Variants in RFC3 observed in about 807,000 individuals in gnomAD.
RFC3 encodes A1 38 kDa subunit.
A neutral mutation model predicts 45.1 loss-of-function variants in RFC3; 41 were observed. The observed-to-expected ratio is 0.91, with a 90% CI of 0.71 to 1.18. RFC3 has a LOEUF of 1.18. Ranked by LOEUF, RFC3 falls within the 50% of genes most tolerant of loss-of-function variation. The pLI, the probability that RFC3 is intolerant of heterozygous loss-of-function variation, is 0.00. For synonymous variants in RFC3, 149 were observed against 144.0 expected (o/e 1.03, Z -0.25); for missense variants, 423 against 428.1 (o/e 0.99, Z 0.10).
rs1351151426 is a variant in RFC3, at chr13:33,939,358, G to GGA, written c.880-26726_880-26725dup. Reference sequence around the variant, plus strand: ...TGGGAAGAGTGGAGGGGAGGGAGCTGGAGATTGGGCTCAGTAAAAACTCTT... The same window carrying GGA: ...TGGGAAGAGTGGAGGGGAGGGAGCTGGAGAGATTGGGCTCAGTAAAAACTCTT... On this transcript the variant is annotated intron_variant, in intron 8 of 8. Coordinates refer to the RFC3 transcript ENST00000434425. Among the ~76,000 whole-genome samples the GGA allele has an allele frequency of 2.0e-5, 3 of 152,048 alleles. No homozygotes were observed. The East Asian group carries it at 5.8e-4, about 29-fold the overall frequency.
At chr13:33,976,882 A>G in the RFC3 span, among the ~76,000 whole-genome samples, 1 of 152,106 alleles carries the variant, frequency 6.6e-6, no homozygotes, top group African/African-American at 2.4e-5. Flanking sequence ...AAAGGGAGAA[A>G]AAACTTGTAA....
intron 8 of RFC3, among the ~76,000 whole-genome samples, chr13:33,946,129 T>C (rs2082952935): frequency 6.6e-6 from 1 of 152,256 alleles, no homozygotes; most frequent in Admixed American, 6.5e-5. Flanking sequence ...AATCCCTGTC[T>C]GTAGAGTACA....
In RFC3 at chr13:33,932,287, T is replaced by C. The variant is rs539582325; in HGVS notation, c.880-33800T>C. Among the ~76,000 whole-genome samples the C allele has an allele frequency of 2.6e-5, 4 of 152,290 alleles. No individual in the cohort carries two copies. In the East Asian group the frequency reaches 7.7e-4, roughly 29 times the overall value. ...ATGCCATTAAAAAAGTTAGTAATTT[T>C]TGTCTATTTATTCTTCTTAATATAC... is the stretch of plus-strand genomic sequence containing the variant. On this transcript the variant is annotated intron_variant, in intron 8 of 8. Coordinates refer to the RFC3 transcript ENST00000434425.
chr13:33,854,973 A>C (rs2082299635), intron 8 of RFC3, among the ~76,000 whole-genome samples: 1 of 137,186 alleles, frequency 7.3e-6, no homozygotes, highest in East Asian at 2.1e-4. Context: ...TAATGCTCTA[A>C]TCATGACGGA....
At chr13:33,862,260 T>TG (rs2082345605) in intron 8 of RFC3, among the ~76,000 whole-genome samples, 1 of 151,716 alleles carries the variant, frequency 6.6e-6, no homozygotes, top group African/African-American at 2.4e-5. Flanking sequence ...GCAAAGTTTT[T>TG]TTTTTTTTTT....
Position 33,835,991 on chromosome 13 carries a change from T to C in RFC3, c.880-113T>C, listed in dbSNP as rs557666108. 65 of 1,093,270 alleles carry C rather than the reference T, an allele frequency of 5.9e-5. No homozygotes were observed. The East Asian group carries it at 1.7e-3, about 29-fold the overall frequency. 67.7% of individuals were successfully genotyped at this position (1,093,270 alleles called of 1,614,324 possible). On this transcript the variant is annotated intron_variant, in intron 8 of 8. Transcript: ENST00000380071. Reference sequence around the variant, plus strand: ...TGATTCACATAAAAAATTAAAGATCTCACACATATAAAGAGAGTATGTTTA... The same window carrying C: ...TGATTCACATAAAAAATTAAAGATCCCACACATATAAAGAGAGTATGTTTA...
chr13:33,893,232 C>A (rs1483936073), intron 8 of RFC3, among the ~76,000 whole-genome samples: 1 of 152,076 alleles, frequency 6.6e-6, no homozygotes, highest in Non-Finnish European at 1.5e-5. Flanking sequence ...GCCAGCCTTC[C>A]CACACTGCCA....
rs1178612713 is a variant in RFC3 at position 33,947,823 on chromosome 13, GC to G, written c.880-18261del. On this transcript the variant is annotated intron_variant, in intron 8 of 8. Coordinates refer to the RFC3 transcript ENST00000434425. ...TAGCAAAGACACTGGTGGCATTTTG[GC>G]CCTGTCCTAGAGATCTGTGGAACTT... Among the ~76,000 whole-genome samples, 16 of 152,288 alleles carry G rather than the reference GC, an allele frequency of 1.1e-4. No homozygotes were observed. In the East Asian group the frequency reaches 3.1e-3, roughly 29 times the overall value.
chr13:33,911,054 A>G (rs139325303), intron 8 of RFC3, among the ~76,000 whole-genome samples: 1 of 152,124 alleles, frequency 6.6e-6, no homozygotes, highest in African/African-American at 2.4e-5. Context: ...GTGGGGACAC[A>G]GAAGCAAACC....
chr13:33,940,261 C>G (rs934026947), intron 8 of RFC3, among the ~76,000 whole-genome samples: 9 of 152,020 alleles, frequency 5.9e-5, no homozygotes, highest in African/African-American at 1.2e-4. Context: ...CTGCCCTCCA[C>G]AAATTTTATT....
chr13:33,918,025 C>G (rs959872957), intron 8 of RFC3, among the ~76,000 whole-genome samples: 3 of 152,096 alleles, frequency 2.0e-5, no homozygotes, highest in Non-Finnish European at 4.4e-5. Context: ...GCTAGAATTT[C>G]CTACAGCTCT....
chr13:33,917,142 C>T (rs181712586), intron 8 of RFC3, among the ~76,000 whole-genome samples: 1 of 152,068 alleles, frequency 6.6e-6, no homozygotes, highest in South Asian at 2.1e-4. Flanking sequence ...TCCACATTTC[C>T]CCAGTAAAGG....
intron 8 of RFC3, among the ~76,000 whole-genome samples, chr13:33,962,703 C>A (rs1159204250): frequency 6.6e-6 from 1 of 152,042 alleles, no homozygotes; most frequent in Non-Finnish European, 1.5e-5. Flanking sequence ...TGATTGCCAT[C>A]ATGAAAATCA....
intron 4 of RFC3, among the ~76,000 whole-genome samples, chr13:33,828,526 C>T (rs1476700310): frequency 1.3e-5 from 2 of 152,202 alleles, no homozygotes; most frequent in Non-Finnish European, 2.9e-5. Flanking sequence ...CGAATCTCCC[C>T]CCTCGGTAAG....
intron 8 of RFC3, among the ~76,000 whole-genome samples, chr13:33,942,409 A>C (rs1212918298): frequency 6.6e-6 from 1 of 152,168 alleles, no homozygotes; most frequent in Non-Finnish European, 1.5e-5. Flanking sequence ...ATGTATAATA[A>C]TCAAATCAGG....
intron 8 of RFC3, among the ~76,000 whole-genome samples, chr13:33,859,119 G>T (rs2082324758): frequency 1.3e-5 from 2 of 152,044 alleles, no homozygotes; most frequent in South Asian, 4.2e-4. Flanking sequence ...GATTTTATTT[G>T]ACACTCAAAA....
intron 8 of RFC3, among the ~76,000 whole-genome samples, chr13:33,933,257 AG>A (rs1438204587): frequency 6.6e-6 from 1 of 152,174 alleles, no homozygotes; most frequent in African/African-American, 2.4e-5. Flanking sequence ...ATTAGAGGTC[AG>A]AAAACACATA....
In RFC3 at chr13:33,834,329, T is replaced by TATATATATATATATATATATACACATAC. The variant is rs1300798923; in HGVS notation, c.810-817_810-816insATATATATATATATATATACACATACAT. 4.6e-3 allele frequency among the ~76,000 whole-genome samples: 577 copies of TATATATATATATATATATATACACATAC among 124,838 alleles called. 20 individuals carry two copies. Among genetic ancestry groups the TATATATATATATATATATATACACATAC allele is most frequent in the African/African-American group, 7.6e-3 (224 of 29,502 alleles). 81.9% of individuals were successfully genotyped at this position (124,838 alleles called of 152,430 possible). On this transcript the variant is annotated intron_variant, in intron 7 of 8. Transcript: ENST00000380071. ...ATATATATATATATATATATATATA[T>TATATATATATATATATATATACACATAC]ATCTGTACTGTAAAAATTCAGAAGT...
At chr13:33,875,575 A>G (rs771683452) in intron 8 of RFC3, among the ~76,000 whole-genome samples, 1 of 152,226 alleles carries the variant, frequency 6.6e-6, no homozygotes, top group Non-Finnish European at 1.5e-5. Flanking sequence ...TGAAGGCCAC[A>G]TAACAATCCT....
Sources: gnomAD v4.1 joint callset for allele counts (sites outside exome capture counted in the v4.1 genomes callset) on GRCh38, gnomAD v4.1.1 for gene constraint, MANE v1.5 for transcripts, NCBI Gene and HGNC (gene_info 2026-07-23, HGNC 2026-07-21) for gene names.